The following OSBPL9 variants were observed in gnomAD, a reference collection of about 807,000 sequenced individuals.
OSBPL9 encodes the protein oxysterol-binding protein-related protein 9.
A neutral mutation model predicts 106.6 loss-of-function variants in OSBPL9; 40 were observed. The observed-to-expected ratio is 0.38, with a 90% CI of 0.29 to 0.49. The LOEUF is 0.49. OSBPL9 is among the 20% of genes least tolerant of loss of function. The pLI is 0.97. For missense variants in OSBPL9, 609 were observed against 887.2 expected (o/e 0.69, Z 3.98); for synonymous variants, 269 against 295.4 (o/e 0.91, Z 0.92).
chr1:51,608,984 T>C (rs990126441), intron 2 of OSBPL9, among the ~76,000 whole-genome samples: 4 of 152,140 alleles, frequency 2.6e-5, no homozygotes, highest in Non-Finnish European at 4.4e-5. Context: ...ACAGAGCCCT[T>C]CCCTCTTGCC....
At chr1:51,654,848 T>C (rs893568322) in intron 2 of OSBPL9, among the ~76,000 whole-genome samples, 3 of 152,158 alleles carry the variant, frequency 2.0e-5, no homozygotes, top group East Asian at 1.9e-4. Flanking sequence ...ATTCCACTTA[T>C]GTGGGATTCC....
In OSBPL9 at chr1:51,729,844, C is replaced by T. The variant is rs1663927194; in HGVS notation, c.319-15692C>T. 2 of 1,245,888 alleles carry T rather than the reference C, an allele frequency of 1.6e-6. No individual in the cohort carries two copies. Among genetic ancestry groups the T allele is most frequent in the Middle Eastern group, 3.1e-4 (1 of 3,278 alleles). The allele number at this position is 1,245,888 out of a possible 1,614,324, so 77.2% of individuals were successfully genotyped here. On this transcript the variant is annotated intron_variant, in intron 4 of 23. Coordinates refer to ENST00000428468, the MANE Select transcript of OSBPL9 (RefSeq NM_024586.6). The surrounding 1 kb of genome is among the most constrained non-coding windows in gnomAD (Gnocchi z 5.1). ...GGGGTGAAGGGGGTGTCCCGGGGGA[C>T]GGGCTGAACCTCAGTCAGGACCGCC... is the stretch of plus-strand genomic sequence containing the variant.
intron 2 of OSBPL9, among the ~76,000 whole-genome samples, chr1:51,598,470 A>C (rs1359459256): frequency 2.0e-5 from 3 of 152,166 alleles, no homozygotes; most frequent in Non-Finnish European, 4.4e-5. Context: ...GGGTGGGGGT[A>C]GAGGGCTGTC....
chr1:51,628,625 T>A (rs1170822779), intron 1 of OSBPL9, among the ~76,000 whole-genome samples: 1 of 151,852 alleles, frequency 6.6e-6, no homozygotes, highest in East Asian at 1.9e-4. Context: ...AATATCTAAA[T>A]TTTTTATTAT....
intron 2 of OSBPL9, among the ~76,000 whole-genome samples, chr1:51,610,167 G>C (rs1484183594): frequency 6.6e-6 from 1 of 152,248 alleles, no homozygotes; most frequent in East Asian, 1.9e-4. Flanking sequence ...GTGGAACATA[G>C]TAAAGGTAAG....
chr1:51,691,537 C>T (rs559014665), intron 3 of OSBPL9, among the ~76,000 whole-genome samples: 1 of 151,998 alleles, frequency 6.6e-6, no homozygotes, highest in East Asian at 1.9e-4. Flanking sequence ...CCACCTGCCT[C>T]GGCCTCCCAA....
the OSBPL9 span, among the ~76,000 whole-genome samples, chr1:51,540,692 G>C: frequency 6.7e-6 from 1 of 149,388 alleles, no homozygotes; most frequent in African/African-American, 2.5e-5. Flanking sequence ...AGGTGTGGTG[G>C]CTCACGCCTG....
rs1323751181 is a variant in OSBPL9 at position 51,617,097 on chromosome 1, T to C, written c.-14T>C. 3.1e-6 allele frequency: 5 copies of C among 1,603,004 alleles called. No individual in the cohort carries two copies. The highest frequency in any genetic ancestry group is 4.3e-6 in the Non-Finnish European group (5 of 1,175,070). The stretch of plus-strand genomic sequence containing the variant: ...GTGACGTCAGGCCGTTTGTTGTCAT[T>C]GGCGGCTCCCAAGATGGCGTCCATC... On this transcript the variant is annotated 5_prime_UTR_variant, in exon 1 of 24. Coordinates refer to ENST00000428468, the MANE Select transcript of OSBPL9 (RefSeq NM_024586.6).
the OSBPL9 span, chr1:51,567,751 C>A: frequency 2.0e-5 from 3 of 152,234 alleles, no homozygotes; most frequent in Non-Finnish European, 4.4e-5. Context: ...CACACACTCA[C>A]CCTGCACTTG....
chr1:51,778,478 T>C (rs139293124), intron 15 of OSBPL9, among the ~76,000 whole-genome samples: 147 of 152,296 alleles, frequency 9.7e-4, no homozygotes, highest in African/African-American at 3.5e-3. Flanking sequence ...CAAAAACTGG[T>C]GTATCTGTAT....
intron 3 of OSBPL9, among the ~76,000 whole-genome samples, chr1:51,689,762 A>G (rs1162728013): frequency 6.6e-6 from 1 of 152,158 alleles, no homozygotes; most frequent in African/African-American, 2.4e-5. Context: ...TCTCTATGTT[A>G]TAAAACAGCA....
chr1:51,551,817 T>A, the OSBPL9 span, among the ~76,000 whole-genome samples: 1 of 151,982 alleles, frequency 6.6e-6, no homozygotes, highest in African/African-American at 2.4e-5. Flanking sequence ...GGTCTTGAAC[T>A]CCTAAGCTCA....
intron 1 of OSBPL9, among the ~76,000 whole-genome samples, chr1:51,637,230 G>A (rs1645504700): frequency 1.3e-5 from 2 of 152,040 alleles, no homozygotes; most frequent in Admixed American, 6.6e-5. Flanking sequence ...GTTGGCTCAC[G>A]CCTGTAATCC....
chr1:51,648,494 T>G (rs1646307677), intron 1 of OSBPL9, among the ~76,000 whole-genome samples: 1 of 152,136 alleles, frequency 6.6e-6, no homozygotes, highest in Non-Finnish European at 1.5e-5. Flanking sequence ...CCCTGTGGGG[T>G]AGTGGGTCCT....
chr1:51,590,362 T>C (rs1645268378), intron 1 of OSBPL9, among the ~76,000 whole-genome samples: 1 of 151,842 alleles, frequency 6.6e-6, no homozygotes. Flanking sequence ...GGCTCAAGCC[T>C]GTAATCCCAG....
rs188855075 is a variant in OSBPL9 at position 51,632,626 on chromosome 1, A to G, written c.111+15405A>G. Among the ~76,000 whole-genome samples the G allele has an allele frequency of 4.4e-3, 518 of 117,608 alleles. 10 individuals are homozygous for G. The highest frequency in any genetic ancestry group is 0.033 in the Admixed American group (400 of 12,154). The allele number at this position is 117,608 out of a possible 152,430, so 77.2% of individuals were successfully genotyped here. A position where few individuals can be genotyped will look rare whatever the true frequency, so the allele number is the denominator to read the frequency against. On this transcript the variant is annotated intron_variant, in intron 1 of 23. Coordinates refer to ENST00000428468, the MANE Select transcript of OSBPL9 (RefSeq NM_024586.6). Reference sequence around the variant, plus strand: ...TATTATAATGCTAGGTTAAGCAAAGACTCTTCCTCTTACCTCAATGGAAAG... The same window carrying G: ...TATTATAATGCTAGGTTAAGCAAAGGCTCTTCCTCTTACCTCAATGGAAAG...
At chr1:51,785,134 G>C (rs11804241) in intron 20 of OSBPL9, 19,489 of 156,852 alleles carry the variant, frequency 0.12, 1,346 homozygotes, top group Middle Eastern at 0.21. Context: ...CCTTAACTGG[G>C]GGGGAAGGGG....
upstream of OSBPL9, among the ~76,000 whole-genome samples, chr1:51,574,652 G>A (rs77899417): frequency 2.4e-3 from 359 of 152,010 alleles, 1 homozygote; most frequent in African/African-American, 8.4e-3. Flanking sequence ...AATGAATTTG[G>A]TGGTTGGGTG....
At chr1:51,564,812 G>T in the OSBPL9 span, among the ~76,000 whole-genome samples, 1 of 152,096 alleles carries the variant, frequency 6.6e-6, no homozygotes, top group African/African-American at 2.4e-5. Flanking sequence ...CACTCAACAG[G>T]GAGCATAGAG....
Sources: allele counts gnomAD v4.1 joint callset (sites outside exome capture counted in the v4.1 genomes callset), GRCh38; gene constraint gnomAD v4.1.1; non-coding constraint Gnocchi (gnomAD v3.1); transcripts MANE v1.5; gene names NCBI Gene and HGNC (gene_info 2026-07-23, HGNC 2026-07-21).